WDR36: variants seen among roughly 807,000 people sequenced by gnomAD.
The protein encoded by WDR36 is WD repeat domain 36, also known as WD repeat-containing protein 36.
Under a neutral mutation model 112.7 loss-of-function variants are expected in WDR36, and 63 were observed. The observed-to-expected ratio is 0.56, with a 90% CI of 0.46 to 0.69. WDR36 has a LOEUF of 0.69. Among genes scored for constraint, WDR36 ranks in the 30% least tolerant of loss-of-function variants. The pLI, the probability that WDR36 is intolerant of heterozygous loss-of-function variation, is 0.00. For missense variants in WDR36, 1,226 were observed against 1,070.3 expected (o/e 1.15, Z -2.03); for synonymous variants, 410 against 362.2 (o/e 1.13, Z -1.50).
At chr5:111,105,389 G>A in intron 10 of WDR36, 29 bp downstream of exon 10, 1 of 1,584,576 alleles carries the variant, frequency 6.3e-7, no homozygotes, top group East Asian at 2.2e-5. Flanking sequence ...AAAATAAGCT[G>A]GTCACGAAAG....
chr5:111,113,216 G>T, intron 16 of WDR36, 63 bp downstream of exon 16: 4 of 1,003,420 alleles, frequency 4.0e-6, no homozygotes, highest in South Asian at 3.8e-5. Flanking sequence ...TTTCACATGT[G>T]ACTTTTACCG....
intron 2 of WDR36, among the ~76,000 whole-genome samples, chr5:111,096,477 G>A (rs1232778529): frequency 6.6e-6 from 1 of 152,188 alleles, no homozygotes; most frequent in Non-Finnish European, 1.5e-5. Flanking sequence ...GCCGAGGTGG[G>A]CAGATCACCT....
At chr5:111,100,228 G>GA (rs1228633098) in intron 4 of WDR36, among the ~76,000 whole-genome samples, 4 of 151,724 alleles carry the variant, frequency 2.6e-5, no homozygotes, top group Non-Finnish European at 5.9e-5. Context: ...ACTTCACTTG[G>GA]AATATTCACT....
At position 111,099,090 on chromosome 5, in the gene WDR36, A is replaced by C. The variant is rs146287092; in HGVS notation, c.409+251A>C. On this transcript the variant is annotated intron_variant, in intron 4 of 22. Coordinates refer to ENST00000513710, the MANE Select transcript of WDR36 (RefSeq NM_139281.3). Reference sequence around the variant, plus strand: ...ATGTATTTTCCATTGCAGTTCTCCAACTTTAATGATTTGTTGTATTGTTTT... The same window carrying C: ...ATGTATTTTCCATTGCAGTTCTCCACCTTTAATGATTTGTTGTATTGTTTT... Among the ~76,000 whole-genome samples the C allele has an allele frequency of 5.3e-3, 813 of 152,272 alleles. 3 individuals carry two copies. Among genetic ancestry groups the C allele is most frequent in the African/African-American group, 0.019 (772 of 41,578 alleles).
intron 2 of WDR36, among the ~76,000 whole-genome samples, chr5:111,096,246 G>A (rs1752977312): frequency 6.6e-6 from 1 of 152,172 alleles, no homozygotes. Flanking sequence ...ATTTCCCTTG[G>A]AGAAGACTGT....
chr5:111,120,996 A>T lies in WDR36; in HGVS notation c.2003A>T (p.Asp668Val), dbSNP rs772434572. The change falls in exon 19 of 23, where the codon GAT (aspartate) becomes GTT (valine). Residue 668 changes from aspartate (D) to valine (V), a missense_variant and splice_region_variant. Asp to Val is a radical substitution (Grantham distance 152). Transcript: ENST00000513710. ...GTTTTACCTGAAAAATTTTTTTAAG[A>T]TGTAGAAGTATCAGAAGAAACAGTA... ...VMLPGTCQTQ[D>V]VEVSEETVEP... The T allele has an allele frequency of 6.2e-6, 10 of 1,612,516 alleles. No individual in the cohort carries two copies. The highest frequency in any genetic ancestry group is 3.3e-4 in the Middle Eastern group (2 of 6,036).
intron 18 of WDR36, 55 bp from the exon 19 acceptor site, chr5:111,120,941 T>G: frequency 6.9e-7 from 1 of 1,445,346 alleles, no homozygotes; most frequent in South Asian, 1.2e-5. Context: ...TGGAATGAAT[T>G]AAGTTGCTTT....
chr5:111,105,501 A>G (rs368313206), intron 10 of WDR36, 141 bp downstream of exon 10: 1 of 790,010 alleles, frequency 1.3e-6, no homozygotes, highest in African/African-American at 1.7e-5. Flanking sequence ...AGGTAGTAAG[A>G]TTCCTAGCAT....
chr5:111,121,367 G>C (rs1753563390), intron 19 of WDR36, among the ~76,000 whole-genome samples: 1 of 152,064 alleles, frequency 6.6e-6, no homozygotes, highest in African/African-American at 2.4e-5. Context: ...TTTGGATGTG[G>C]CAAAAGTTGA....
rs35527062 is a variant in WDR36, at chr5:111,113,052, A to ATATATATTTTTT, written c.1717-21_1717-20insATATATTTTTTT. ...ATATAAATAATATATATATATATAT[A>ATATATATTTTTT]TTTTTTTTTTTTAATTTAAAGGCTT... On this transcript the variant is annotated intron_variant, in intron 15 of 22. Transcript: ENST00000513710. 3 of 473,640 alleles carry ATATATATTTTTT rather than the reference A, an allele frequency of 6.3e-6. No individual in the cohort carries two copies. The African/African-American group carries it at 7.7e-5, about 12-fold the overall frequency. The allele number at this position is 473,640 out of a possible 1,614,324, so 29.3% of individuals were successfully genotyped here. A position where few individuals can be genotyped will look rare whatever the true frequency, so the allele number is the denominator to read the frequency against.
intron 19 of WDR36, among the ~76,000 whole-genome samples, chr5:111,123,509 A>T (rs1297694283): frequency 1.3e-5 from 2 of 152,222 alleles, no homozygotes; most frequent in African/African-American, 4.8e-5. Flanking sequence ...TTATATCTTC[A>T]TGTAAATATA....
Position 111,122,956 on chromosome 5 carries a change from A to C in WDR36, c.2149-849A>C, listed in dbSNP as rs372363758. Among the ~76,000 whole-genome samples, 26 of 152,266 alleles carry C rather than the reference A, an allele frequency of 1.7e-4. 1 individual carries two copies. The South Asian group carries it at 5.2e-3, about 30-fold the overall frequency. On this transcript the variant is annotated intron_variant, in intron 19 of 22. Transcript: ENST00000513710. ...GAAACCCCATCTCTACTATAAATAC[A>C]AAAATGAGCCAGGCATGTTGTACGT...
rs1753103883 is a variant in WDR36 at position 111,100,615 on chromosome 5, A to C, written c.436A>C (p.Lys146Gln). ...AGAATACCTGCAGTTGACTTTTGATAAATCAGTATTTAAAATTTCTGCAAT... is the reference window on the plus strand; with the variant it reads ...AGAATACCTGCAGTTGACTTTTGATCAATCAGTATTTAAAATTTCTGCAAT... ...EEEYLQLTFD[K>Q]SVFKISAILH... The change falls in exon 5 of 23, where the codon AAA (lysine) becomes CAA (glutamine). Residue 146 changes from lysine (K) to glutamine (Q), a missense_variant. Lys to Gln is a moderately conservative substitution (Grantham distance 53). Transcript: ENST00000513710. The C allele has an allele frequency of 6.3e-7, 1 of 1,591,932 alleles. No individual in the cohort carries two copies. The highest frequency in any genetic ancestry group is 1.3e-5 in the African/African-American group (1 of 74,372).
At chr5:111,096,231 G>A (rs1000582110) in intron 2 of WDR36, among the ~76,000 whole-genome samples, 1 of 152,136 alleles carries the variant, frequency 6.6e-6, no homozygotes, top group Admixed American at 6.5e-5. Context: ...AAGATTGATA[G>A]GCATATTTCC....
intron 19 of WDR36, among the ~76,000 whole-genome samples, chr5:111,121,499 A>G (rs944887430): frequency 1.3e-5 from 2 of 152,156 alleles, no homozygotes; most frequent in African/African-American, 4.8e-5. Flanking sequence ...TTCTACTGCT[A>G]GTCATTTGAG....
rs1753047832 is a variant in WDR36 at position 111,098,744 on chromosome 5, A to G, written c.314A>G (p.His105Arg). Residue 105 changes from histidine to arginine, a missense_variant, in exon 4 of 23, where the codon CAT (histidine) becomes CGT (arginine). Transcript: ENST00000513710. ...NKEIVHTFKG[H>R]KAEIHFLQPF... ...TAGATAGTACATACCTTTAAGGGTC[A>G]TAAGGCAGAAATCCATTTCTTGCAA... is the stretch of plus-strand genomic sequence containing the variant. 7 of 1,609,850 alleles carry G rather than the reference A, an allele frequency of 4.3e-6. No homozygotes were observed. The highest frequency in any genetic ancestry group is 6.0e-6 in the Non-Finnish European group (7 of 1,176,338).
At chr5:111,099,359 T>G (rs553240009) in intron 4 of WDR36, among the ~76,000 whole-genome samples, 66 of 151,726 alleles carry the variant, frequency 4.3e-4, no homozygotes, top group African/African-American at 1.5e-3. Flanking sequence ...ACACCTTTCC[T>G]CAATAAAATA....
intron 21 of WDR36, 122 bp from the exon 22 acceptor site, chr5:111,125,486 A>G (rs777066032): frequency 2.0e-6 from 2 of 999,952 alleles, no homozygotes; most frequent in Non-Finnish European, 2.9e-6. Flanking sequence ...GAAAAAATTA[A>G]CCCACAGGAA....
intron 5 of WDR36, among the ~76,000 whole-genome samples, chr5:111,102,113 G>T (rs1753132349): frequency 1.4e-5 from 2 of 142,212 alleles, no homozygotes; most frequent in Non-Finnish European, 1.6e-5. Flanking sequence ...TTCCACTTAG[G>T]ACATTTAATT....
Sources: gnomAD v4.1 joint callset for allele counts (sites outside exome capture counted in the v4.1 genomes callset) on GRCh38, gnomAD v4.1.1 for gene constraint, MANE v1.5 for transcripts, NCBI Gene and HGNC (gene_info 2026-07-23, HGNC 2026-07-21) for gene names.